Variants in TMTC2 observed in about 807,000 individuals in gnomAD.
The protein encoded by TMTC2 is protein O-mannosyl-transferase TMTC2.
TMTC2 carries 43 observed loss-of-function variants against 82.4 expected under a neutral mutation model. That is an observed-to-expected ratio of 0.52 (90% CI 0.41 to 0.67). The LOEUF is 0.67. Among genes scored for constraint, TMTC2 ranks in the 30% least tolerant of loss-of-function variants. The pLI is 0.00. For missense variants in TMTC2, 919 were observed against 1,012.4 expected, an observed-to-expected ratio of 0.91 and a Z score of 1.25; for synonymous variants, 408 against 381.9, an observed-to-expected ratio of 1.07 and a Z score of -0.80.
At chr12:82,694,276 A>T (rs1263079174) in intron 1 of TMTC2, among the ~76,000 whole-genome samples, 1 of 150,514 alleles carries the variant, frequency 6.6e-6, no homozygotes, top group Non-Finnish European at 1.5e-5. Context: ...TGAGATAGAG[A>T]GGTTTTGATT....
chr12:82,729,111 C>G (rs979255953), intron 1 of TMTC2, among the ~76,000 whole-genome samples: 2 of 152,256 alleles, frequency 1.3e-5, no homozygotes, highest in Non-Finnish European at 2.9e-5. Context: ...AGTGCTGGCG[C>G]AAGGCCCAGG....
intron 4 of TMTC2, among the ~76,000 whole-genome samples, chr12:82,952,059 G>A (rs1007433846): frequency 5.3e-5 from 8 of 152,040 alleles, no homozygotes; most frequent in Admixed American, 1.3e-4. Context: ...CTTTGTCTCT[G>A]GTATCTCCCG....
Position 82,954,547 on chromosome 12 carries a change from T to C in TMTC2, c.1599-10477T>C, listed in dbSNP as rs78144483. On this transcript the variant is annotated intron_variant, in intron 4 of 11. Coordinates refer to ENST00000321196, the MANE Select transcript of TMTC2 (RefSeq NM_152588.3). Reference sequence around the variant, plus strand: ...AAGAAAGAAACTGTTTATCCTTCAGTATTTCCCTGGTTTTGAAGGTATGTG... The same window carrying C: ...AAGAAAGAAACTGTTTATCCTTCAGCATTTCCCTGGTTTTGAAGGTATGTG... Among the ~76,000 whole-genome samples the C allele has an allele frequency of 5.5e-3, 837 of 152,360 alleles. 9 individuals carry two copies. The highest frequency in any genetic ancestry group is 0.018 in the African/African-American group (753 of 41,594).
intron 8 of TMTC2, among the ~76,000 whole-genome samples, chr12:83,020,103 C>T (rs1880846427): frequency 6.6e-6 from 1 of 152,132 alleles, no homozygotes; most frequent in South Asian, 2.1e-4. Flanking sequence ...CTTTGGAAAC[C>T]TTCCTTGAGT....
chr12:83,105,767 A>G (rs539070958), intron 11 of TMTC2, among the ~76,000 whole-genome samples: 4 of 152,190 alleles, frequency 2.6e-5, no homozygotes, highest in Non-Finnish European at 5.9e-5. Flanking sequence ...CTTTTTGCAA[A>G]GGCAGATGCA....
rs76152913 is a variant in TMTC2, at chr12:82,781,382, T to A, written c.84-75628T>A. ...TTCTTTGTCACGTTTGAATAGAGTA[T>A]GTGTGTGGAGTTTGCTCTTTTTTTT... On this transcript the variant is annotated intron_variant, in intron 1 of 11. Coordinates refer to ENST00000321196, the MANE Select transcript of TMTC2 (RefSeq NM_152588.3). Among the ~76,000 whole-genome samples, 1,286 of 150,124 alleles carry A rather than the reference T, an allele frequency of 8.6e-3. 51 individuals are homozygous for A. Among genetic ancestry groups the A allele is most frequent in the East Asian group, 0.056 (287 of 5,098 alleles).
intron 3 of TMTC2, among the ~76,000 whole-genome samples, chr12:82,925,620 T>A (rs1356188527): frequency 7.2e-5 from 11 of 152,220 alleles, no homozygotes; most frequent in Admixed American, 7.2e-4. Flanking sequence ...ATTTTGGCAA[T>A]TCTCACAATA....
intron 8 of TMTC2, among the ~76,000 whole-genome samples, chr12:82,991,164 G>T (rs551726109): frequency 6.6e-6 from 1 of 152,054 alleles, no homozygotes; most frequent in Non-Finnish European, 1.5e-5. Flanking sequence ...CTAAACAGTA[G>T]AATTGAATAT....
At chr12:83,006,656 A>T (rs1432414176) in intron 8 of TMTC2, among the ~76,000 whole-genome samples, 3 of 152,246 alleles carry the variant, frequency 2.0e-5, no homozygotes, top group African/African-American at 7.2e-5. Context: ...GCACACACGT[A>T]TGTTTATTGT....
intron 8 of TMTC2, among the ~76,000 whole-genome samples, chr12:82,999,329 G>T (rs1565846103): frequency 6.6e-6 from 1 of 152,178 alleles, no homozygotes; most frequent in Non-Finnish European, 1.5e-5. Context: ...AAAACCACCA[G>T]AGGTAAATTA....
intron 11 of TMTC2, among the ~76,000 whole-genome samples, chr12:83,092,579 T>C (rs1883880462): frequency 6.6e-6 from 1 of 152,170 alleles, no homozygotes; most frequent in East Asian, 1.9e-4. Flanking sequence ...GGGGAACCAA[T>C]CAGCAGTCTC....
In TMTC2 at chr12:83,132,355, T is replaced by C. The variant is rs746108077; in HGVS notation, c.2477T>C (p.Met826Thr). 16 of 1,613,908 alleles carry C rather than the reference T, an allele frequency of 9.9e-6. No individual in the cohort carries two copies. The highest frequency in any genetic ancestry group is 1.3e-5 in the Non-Finnish European group (15 of 1,179,944). Residue 826 changes from methionine (M) to threonine (T), a missense_variant, in exon 12 of 12, where the codon ATG (methionine) becomes ACG (threonine). By Grantham distance (81) the Met-to-Thr change is moderately conservative. Coordinates refer to ENST00000321196, the MANE Select transcript of TMTC2 (RefSeq NM_152588.3). ...AATCTCCGCAAACTGTGGAACATCATGGAAAAACAAGGCTTAAAGACTTCT... is the reference window on the plus strand; with the variant it reads ...AATCTCCGCAAACTGTGGAACATCACGGAAAAACAAGGCTTAAAGACTTCT... ...QSNLRKLWNI[M>T]EKQGLKTSKT
Position 82,698,052 on chromosome 12 carries a change from G to T in TMTC2, c.83+10383G>T, listed in dbSNP as rs557655231. 1.6e-3 allele frequency among the ~76,000 whole-genome samples: 249 copies of T among 152,200 alleles called. 1 individual carries two copies. The highest frequency in any genetic ancestry group is 5.8e-3 in the African/African-American group (241 of 41,536). The stretch of plus-strand genomic sequence containing the variant: ...ATCTAAGTAAGGTTAGAAATGCTTC[G>T]GCCTGTATGACTTTTTAACCTGGTA... On this transcript the variant is annotated intron_variant, in intron 1 of 11. Transcript: ENST00000321196.
chr12:82,925,857 A>G (rs1592632104), intron 3 of TMTC2, among the ~76,000 whole-genome samples: 1 of 152,342 alleles, frequency 6.6e-6, no homozygotes, highest in East Asian at 1.9e-4. Context: ...AGTGAAAGGA[A>G]GAGTGGCATG....
At chr12:83,122,996 C>T (rs1885002419) in intron 11 of TMTC2, among the ~76,000 whole-genome samples, 1 of 152,190 alleles carries the variant, frequency 6.6e-6, no homozygotes, top group Non-Finnish European at 1.5e-5. Flanking sequence ...TTAGTAGATG[C>T]ACTTTAAAGT....
intron 1 of TMTC2, among the ~76,000 whole-genome samples, chr12:82,773,815 C>G (rs1161996909): frequency 2.0e-5 from 3 of 152,058 alleles, no homozygotes; most frequent in African/African-American, 7.2e-5. Context: ...ACTCCAGGAG[C>G]CCTTCCCCAA....
At chr12:82,804,162 G>T (rs1879138823) in intron 1 of TMTC2, among the ~76,000 whole-genome samples, 1 of 152,106 alleles carries the variant, frequency 6.6e-6, no homozygotes, top group African/African-American at 2.4e-5. Context: ...AATGAGAAGT[G>T]CAGCCTCACA....
chr12:82,724,437 C>T (rs896268098), intron 1 of TMTC2, among the ~76,000 whole-genome samples: 2 of 152,088 alleles, frequency 1.3e-5, no homozygotes, highest in African/African-American at 4.8e-5. Context: ...TTCCCCCATG[C>T]TGTTCTAGTG....
intron 2 of TMTC2, among the ~76,000 whole-genome samples, chr12:82,866,244 C>CA (rs762068833): frequency 0.036 from 1,898 of 52,144 alleles, 13 homozygotes; most frequent in East Asian, 0.092. Flanking sequence ...TTGAAAAGAT[C>CA]AAAAAAAAAA....
Sources: gnomAD v4.1 joint callset for allele counts (sites outside exome capture counted in the v4.1 genomes callset) on GRCh38, gnomAD v4.1.1 for gene constraint, MANE v1.5 for transcripts, NCBI Gene and HGNC (gene_info 2026-07-23, HGNC 2026-07-21) for gene names.